NYAP2: variants seen among roughly 807,000 people sequenced by gnomAD.
NYAP2 encodes neuronal tyrosine-phosphorylated phosphoinositide-3-kinase adapter 2.
A neutral mutation model predicts 50.4 loss-of-function variants in NYAP2; 23 were observed. The observed-to-expected ratio is 0.46, with a 90% confidence interval of 0.33 to 0.65. The LOEUF (loss-of-function observed/expected upper bound fraction) is 0.65, where lower values mean the gene tolerates loss of function less well. Among genes scored for constraint, NYAP2 ranks in the 30% least tolerant of loss-of-function variants. The probability of loss-of-function intolerance (pLI) is 0.02; values close to 1 mark genes in which losing one functional copy is unlikely to be tolerated. For missense variants in NYAP2, 885 were observed against 861.0 expected (o/e 1.03, Z -0.35); for synonymous variants, 394 against 365.2 (o/e 1.08, Z -0.90).
At chr2:225,686,176 T>C in the NYAP2 span, among the ~76,000 whole-genome samples, 5 of 152,184 alleles carry the variant, frequency 3.3e-5, no homozygotes, top group Admixed American at 1.3e-4. Flanking sequence ...CTAAATCATA[T>C]ACATTTCCAA....
At chr2:225,503,077 T>C (rs149545653) in intron 3 of NYAP2, among the ~76,000 whole-genome samples, 46 of 152,354 alleles carry the variant, frequency 3.0e-4, no homozygotes, top group African/African-American at 1.1e-3. Flanking sequence ...TATGTTATTC[T>C]ATATTTCTAG....
intron 4 of NYAP2, among the ~76,000 whole-genome samples, chr2:225,575,613 CCTT>C (rs1301822940): frequency 3.3e-5 from 5 of 152,144 alleles, no homozygotes; most frequent in African/African-American, 1.2e-4. Flanking sequence ...GCTTGAGCTT[CCTT>C]ACAGCATGGT....
intron 2 of NYAP2, among the ~76,000 whole-genome samples, chr2:225,405,963 T>A (rs575267942): frequency 1.3e-3 from 196 of 152,130 alleles, no homozygotes; most frequent in African/African-American, 4.4e-3. Context: ...CAAGGGGTTA[T>A]ATTATTATTA....
chr2:225,480,991 GA>G (rs1690197632), intron 3 of NYAP2, among the ~76,000 whole-genome samples: 1 of 152,012 alleles, frequency 6.6e-6, no homozygotes, highest in Non-Finnish European at 1.5e-5. Flanking sequence ...AGAGTCTCAA[GA>G]ACATAACTTT....
chr2:225,408,168 A>G (rs1183817661), intron 2 of NYAP2, among the ~76,000 whole-genome samples: 1 of 151,982 alleles, frequency 6.6e-6, no homozygotes, highest in African/African-American at 2.4e-5. Context: ...TCATGTAACA[A>G]TGAGACAACA....
At chr2:225,513,228 T>C in intron 3 of NYAP2, 143 bp from the exon 4 acceptor site, 3 of 735,072 alleles carry the variant, frequency 4.1e-6, no homozygotes, top group Non-Finnish European at 6.7e-6. Flanking sequence ...TTCATGCTAC[T>C]TGAGTTTGTT....
intron 3 of NYAP2, among the ~76,000 whole-genome samples, chr2:225,462,115 G>C (rs1316176191): frequency 6.6e-6 from 1 of 152,158 alleles, no homozygotes; most frequent in Non-Finnish European, 1.5e-5. Context: ...AATGTGTACT[G>C]TGTACATATA....
intron 2 of NYAP2, among the ~76,000 whole-genome samples, chr2:225,406,512 C>A (rs1379272917): frequency 6.6e-6 from 1 of 151,764 alleles, no homozygotes; most frequent in Non-Finnish European, 1.5e-5. Flanking sequence ...TCTAGAGGGA[C>A]ACAATTCTGC....
chr2:225,552,684 T>TTTTG (rs1174772722), intron 4 of NYAP2, among the ~76,000 whole-genome samples: 4 of 151,858 alleles, frequency 2.6e-5, no homozygotes, highest in African/African-American at 9.7e-5. Flanking sequence ...AGAAACAAGG[T>TTTTG]TTTGTTTGTT....
intron 4 of NYAP2, among the ~76,000 whole-genome samples, chr2:225,557,593 A>G (rs886581732): frequency 7.2e-5 from 11 of 152,256 alleles, no homozygotes; most frequent in African/African-American, 2.6e-4. Context: ...TAGAGGAAGG[A>G]GCAACATTAA....
At chr2:225,428,537 A>T (rs1334682515) in intron 3 of NYAP2, among the ~76,000 whole-genome samples, 1 of 152,204 alleles carries the variant, frequency 6.6e-6, no homozygotes, top group Non-Finnish European at 1.5e-5. Context: ...TAAATGAATG[A>T]GTGTGGCAGT....
At chr2:225,469,025 A>T (rs995372174) in intron 3 of NYAP2, among the ~76,000 whole-genome samples, 6 of 152,242 alleles carry the variant, frequency 3.9e-5, no homozygotes, top group Non-Finnish European at 7.3e-5. Flanking sequence ...ATGAGATCTA[A>T]TTAAACTAAA....
At chr2:225,697,263 T>C in the NYAP2 span, among the ~76,000 whole-genome samples, 3 of 151,976 alleles carry the variant, frequency 2.0e-5, no homozygotes, top group African/African-American at 7.2e-5. Flanking sequence ...TGTATCAATA[T>C]ATAGTCCACA....
intron 4 of NYAP2, among the ~76,000 whole-genome samples, chr2:225,568,208 G>A (rs1384814958): frequency 6.6e-6 from 1 of 152,112 alleles, no homozygotes; most frequent in Non-Finnish European, 1.5e-5. Flanking sequence ...CCTCTGCCCT[G>A]TCCCTTCATG....
At chr2:225,571,165 CTG>C (rs1176090442) in intron 4 of NYAP2, among the ~76,000 whole-genome samples, 1 of 152,236 alleles carries the variant, frequency 6.6e-6, no homozygotes, top group Non-Finnish European at 1.5e-5. Flanking sequence ...CAGCCCCACT[CTG>C]TGCTGCTTTC....
intron 3 of NYAP2, among the ~76,000 whole-genome samples, chr2:225,420,693 C>A (rs1291257167): frequency 1.3e-5 from 2 of 151,764 alleles, no homozygotes; most frequent in Non-Finnish European, 2.9e-5. Flanking sequence ...TCACTGCAAC[C>A]TCTACCTCCC....
At chr2:225,479,899 G>A (rs1194116486) in intron 3 of NYAP2, among the ~76,000 whole-genome samples, 2 of 152,010 alleles carry the variant, frequency 1.3e-5, no homozygotes, top group African/African-American at 2.4e-5. Context: ...ATGCAAAATA[G>A]TATTGCACCT....
At position 225,447,786 on chromosome 2, in the gene NYAP2, G is replaced by A. The variant is rs542009585; in HGVS notation, c.221+38685G>A. Among the ~76,000 whole-genome samples the A allele has an allele frequency of 2.1e-4, 32 of 152,190 alleles. No individual in the cohort carries two copies. The South Asian group carries it at 3.7e-3, about 18-fold the overall frequency. ...AAATTGATGTCTTCTACATTCTACCGCATCATTTATGCTTAATTCAATATT... is the reference window on the plus strand; with the variant it reads ...AAATTGATGTCTTCTACATTCTACCACATCATTTATGCTTAATTCAATATT... On this transcript the variant is annotated intron_variant, in intron 3 of 6. Coordinates refer to ENST00000636099, the Ensembl canonical transcript of NYAP2.
chr2:225,451,213 A>G (rs1478426954), intron 3 of NYAP2, among the ~76,000 whole-genome samples: 1 of 152,230 alleles, frequency 6.6e-6, no homozygotes, highest in Admixed American at 6.5e-5. Context: ...ATCCGTCTAC[A>G]GCTGCCAGGC....
Sources: allele counts gnomAD v4.1 joint callset (sites outside exome capture counted in the v4.1 genomes callset), GRCh38; gene constraint gnomAD v4.1.1; transcripts MANE v1.5; gene names NCBI Gene and HGNC (gene_info 2026-07-23, HGNC 2026-07-21).